The following LRRC7 variants were observed in gnomAD, a reference collection of about 807,000 sequenced individuals.
LRRC7 encodes the protein leucine rich repeat containing 7, also known as leucine-rich repeat-containing protein 7.
LRRC7 carries 23 observed loss-of-function variants against 175.7 expected under a neutral mutation model. The observed-to-expected ratio is 0.13, with a 90% CI of 0.09 to 0.19. The LOEUF (loss-of-function observed/expected upper bound fraction) is 0.19, where lower values mean the gene tolerates loss of function less well. Ranked by LOEUF, LRRC7 falls within the 10% of genes least tolerant of loss-of-function variation. The probability of loss-of-function intolerance (pLI) is 1.00; values close to 1 mark genes in which losing one functional copy is unlikely to be tolerated. For synonymous variants in LRRC7, 685 were observed against 680.9 expected, an observed-to-expected ratio of 1.01 and a Z score of -0.09; for missense variants, 1,354 against 1,904.7, an observed-to-expected ratio of 0.71 and a Z score of 5.38.
intron 1 of LRRC7, among the ~76,000 whole-genome samples, chr1:69,677,345 A>G (rs1388538241): frequency 7.3e-6 from 1 of 137,532 alleles, no homozygotes; most frequent in South Asian, 2.5e-4. Context: ...GGTTGATTTC[A>G]TATATTTGCA....
chr1:69,758,666 C>T (rs1670699400), intron 2 of LRRC7, among the ~76,000 whole-genome samples: 1 of 151,950 alleles, frequency 6.6e-6, no homozygotes, highest in East Asian at 1.9e-4. Flanking sequence ...TTCCACCCTC[C>T]ACCCTCAGGT....
intron 1 of LRRC7, among the ~76,000 whole-genome samples, chr1:69,674,359 C>T (rs1223969413): frequency 6.6e-6 from 1 of 152,124 alleles, no homozygotes; most frequent in African/African-American, 2.4e-5. Context: ...GAGCAAGTCA[C>T]TGAGCATATC....
chr1:69,901,645 A>G (rs1646137348), intron 7 of LRRC7, among the ~76,000 whole-genome samples: 1 of 152,142 alleles, frequency 6.6e-6, no homozygotes, highest in Non-Finnish European at 1.5e-5. Flanking sequence ...TTGAGAAATA[A>G]CTATCTCTTC....
At chr1:69,780,942 C>T (rs757764686) in intron 3 of LRRC7, among the ~76,000 whole-genome samples, 54 of 152,096 alleles carry the variant, frequency 3.6e-4, no homozygotes, top group Non-Finnish European at 4.1e-4. Flanking sequence ...TTTGAAAATT[C>T]GCACACAACT....
At chr1:69,909,829 T>C (rs1328293080) in intron 7 of LRRC7, among the ~76,000 whole-genome samples, 1 of 152,174 alleles carries the variant, frequency 6.6e-6, no homozygotes, top group Admixed American at 6.5e-5. Context: ...CCTTGCTAGA[T>C]TGGGGATGTT....
rs1388888875 is a variant in LRRC7, at chr1:70,141,187, A to G, written c.*19300A>G. 6.6e-6 allele frequency among the ~76,000 whole-genome samples: 1 copy of G among 152,100 alleles called. No individual in the cohort carries two copies. Among genetic ancestry groups the G allele is most frequent in the Admixed American group, 6.6e-5 (1 of 15,256 alleles). ...ACTGGTGGCTGCAAATGAGCAAGGG[A>G]GCTTCATTCAGTTGGGACAATTCAG... On this transcript the variant is annotated 3_prime_UTR_variant, in exon 27 of 27. Coordinates refer to ENST00000651989, the MANE Select transcript of LRRC7 (RefSeq NM_001370785.2).
chr1:69,755,155 GA>G (rs1050920294), intron 2 of LRRC7, among the ~76,000 whole-genome samples: 2 of 151,788 alleles, frequency 1.3e-5, no homozygotes, highest in Non-Finnish European at 2.9e-5. Context: ...GTCAACTAAG[GA>G]AGGATTAAAA....
intron 1 of LRRC7, among the ~76,000 whole-genome samples, chr1:69,653,491 T>TA (rs150802605): frequency 8.0e-5 from 12 of 150,602 alleles, no homozygotes; most frequent in Middle Eastern, 3.4e-3. Flanking sequence ...TGCGTGCTAA[T>TA]AAAAAAAAAG....
chr1:69,763,489 T>C (rs1418915955), intron 3 of LRRC7, among the ~76,000 whole-genome samples: 1 of 152,078 alleles, frequency 6.6e-6, no homozygotes, highest in Non-Finnish European at 1.5e-5. Context: ...GCTATCTGAG[T>C]ACAGAATTAG....
intron 1 of LRRC7, among the ~76,000 whole-genome samples, chr1:69,572,922 T>C: frequency 6.6e-6 from 1 of 152,182 alleles, no homozygotes; most frequent in Middle Eastern, 3.4e-3. Flanking sequence ...ATTATGTATA[T>C]TATATAATGG....
chr1:69,926,405 G>A (rs1647074836), intron 7 of LRRC7, among the ~76,000 whole-genome samples: 1 of 133,914 alleles, frequency 7.5e-6, no homozygotes, highest in Non-Finnish European at 1.6e-5. Flanking sequence ...GTTGACAGTG[G>A]GGTGTTAAAG....
chr1:69,682,514 G>T (rs1385703627), intron 2 of LRRC7, among the ~76,000 whole-genome samples: 1 of 152,044 alleles, frequency 6.6e-6, no homozygotes, highest in Non-Finnish European at 1.5e-5. Context: ...TGACCATGTT[G>T]TCCTTTTGAA....
intron 8 of LRRC7, among the ~76,000 whole-genome samples, chr1:69,971,004 C>G (rs1652179748): frequency 1.3e-5 from 2 of 152,058 alleles, no homozygotes; most frequent in African/African-American, 4.8e-5. Context: ...TGATACACCA[C>G]ATAAATAGAA....
rs904518901 is a variant in LRRC7 at position 70,122,780 on chromosome 1, G to A, written c.*893G>A. On this transcript the variant is annotated 3_prime_UTR_variant, in exon 27 of 27. Coordinates refer to ENST00000651989, the MANE Select transcript of LRRC7 (RefSeq NM_001370785.2). ...ATGTTGATTATAAACTGTAGCCCCTGTGATTTCTTTACTTGTAAATGTGGA... is the reference window on the plus strand; with the variant it reads ...ATGTTGATTATAAACTGTAGCCCCTATGATTTCTTTACTTGTAAATGTGGA... The A allele has an allele frequency of 2.6e-5, 4 of 152,402 alleles. No homozygotes were observed. The highest frequency in any genetic ancestry group is 1.3e-4 in the Admixed American group (2 of 15,266). 9.4% of individuals were successfully genotyped at this position (152,402 alleles called of 1,614,324 possible).
intron 1 of LRRC7, among the ~76,000 whole-genome samples, chr1:69,579,564 G>T (rs543426387): frequency 1.3e-5 from 2 of 152,168 alleles, no homozygotes; most frequent in East Asian, 3.9e-4. Flanking sequence ...ATCCCAAGCA[G>T]ACTAGCTCAC....
At chr1:70,032,121 G>A (rs968146307) in intron 18 of LRRC7, among the ~76,000 whole-genome samples, 12 of 152,164 alleles carry the variant, frequency 7.9e-5, no homozygotes, top group Non-Finnish European at 1.2e-4. Context: ...AAAAGAATGT[G>A]CGATCTAATG....
chr1:70,073,639 C>G (rs1030932020), intron 23 of LRRC7, among the ~76,000 whole-genome samples: 2 of 151,618 alleles, frequency 1.3e-5, no homozygotes, highest in African/African-American at 4.9e-5. Flanking sequence ...CTGGATCCTT[C>G]TAAGTTTGTC....
At chr1:69,959,278 G>T (rs1650808049) in intron 8 of LRRC7, among the ~76,000 whole-genome samples, 1 of 152,078 alleles carries the variant, frequency 6.6e-6, no homozygotes, top group African/African-American at 2.4e-5. Flanking sequence ...TTTGCTAAGT[G>T]ATGTTTGCAA....
At chr1:70,111,728 A>G (rs1188015808) in intron 26 of LRRC7, among the ~76,000 whole-genome samples, 2 of 152,200 alleles carry the variant, frequency 1.3e-5, no homozygotes, top group East Asian at 1.9e-4. Context: ...CTGATAGTTA[A>G]CAACAGATTC....
Sources: allele counts gnomAD v4.1 joint callset (sites outside exome capture counted in the v4.1 genomes callset), GRCh38; gene constraint gnomAD v4.1.1; transcripts MANE v1.5; gene names NCBI Gene and HGNC (gene_info 2026-07-23, HGNC 2026-07-21).